USP43: variants seen among roughly 807,000 people sequenced by gnomAD.
The protein encoded by USP43 is ubiquitin carboxyl-terminal hydrolase 43.
A neutral mutation model predicts 90.7 loss-of-function variants in USP43; 33 were observed. That is an observed-to-expected ratio of 0.36 (90% confidence interval 0.28 to 0.49). The LOEUF (loss-of-function observed/expected upper bound fraction) is 0.49, where lower values mean the gene tolerates loss of function less well. Ranked by LOEUF, USP43 falls within the 20% of genes least tolerant of loss-of-function variation. USP43 has a pLI of 0.98. For missense variants in USP43, 1,274 were observed against 1,476.4 expected, an observed-to-expected ratio of 0.86 and a Z score of 2.25; for synonymous variants, 598 against 615.8, an observed-to-expected ratio of 0.97 and a Z score of 0.43.
chr17:9,663,556 C>T (rs1435482565), intron 2 of USP43, among the ~76,000 whole-genome samples: 1 of 152,126 alleles, frequency 6.6e-6, no homozygotes, highest in African/African-American at 2.4e-5. Context: ...CCTCAGCCTC[C>T]CGAAGTGCTG....
chr17:9,654,251 A>G (rs4300688), intron 1 of USP43, among the ~76,000 whole-genome samples: 10,760 of 152,252 alleles, frequency 0.071, 1,148 homozygotes, highest in African/African-American at 0.23. Flanking sequence ...TCTACTAAAA[A>G]CATATTCATT....
intron 3 of USP43, among the ~76,000 whole-genome samples, chr17:9,672,292 G>A (rs1489641958): frequency 6.6e-6 from 1 of 152,158 alleles, no homozygotes; most frequent in Non-Finnish European, 1.5e-5. Context: ...CACTGCGCCT[G>A]GCCATCGTTT....
intron 4 of USP43, among the ~76,000 whole-genome samples, chr17:9,675,322 C>T (rs1913694668): frequency 6.6e-6 from 1 of 152,020 alleles, no homozygotes. Context: ...TTTTTTTCCC[C>T]AGCTTTACTT....
chr17:9,680,341 C>T lies in USP43; in HGVS notation c.1080C>T (p.Pro360=). 2 of 1,613,848 alleles carry T rather than the reference C, an allele frequency of 1.2e-6. No homozygotes were observed. The highest frequency in any genetic ancestry group is 1.7e-6 in the Non-Finnish European group (2 of 1,179,828). Residue 360 remains proline (P), a synonymous_variant, in exon 6 of 15, where the codon CCC becomes CCT. Transcript: ENST00000285199. The part of the protein sequence containing the change: ...GDNVYAFQVP[P]SPSQGTLSAH... ...ATGTGTATGCCTTTCAAGTTCCTCCCTCACCCAGCCAGGGGACTCTCTCAG... is the reference window on the plus strand; with the variant it reads ...ATGTGTATGCCTTTCAAGTTCCTCCTTCACCCAGCCAGGGGACTCTCTCAG...
At chr17:9,658,447 A>AAAGGACAGAGTCAGGATTC (rs1912415783) in intron 2 of USP43, among the ~76,000 whole-genome samples, 1 of 152,226 alleles carries the variant, frequency 6.6e-6, no homozygotes, top group Non-Finnish European at 1.5e-5. Context: ...ACAGCTAAGT[A>AAAGGACAGAGTCAGGATTC]AAGGACAGAG....
Position 9,656,491 on chromosome 17 carries a change from A to T in USP43, c.593A>T (p.His198Leu). The T allele has an allele frequency of 6.2e-7, 1 of 1,610,954 alleles. No individual in the cohort carries two copies. Among genetic ancestry groups the T allele is most frequent in the Non-Finnish European group, 8.5e-7 (1 of 1,178,726 alleles). Residue 198 changes from histidine to leucine, a missense_variant, in exon 2 of 15, where the codon CAT becomes CTT. Around this residue, in one of 6 missense-constraint regions of USP43, gnomAD observed 259 missense variants for 373.7 expected, o/e 0.69. Transcript: ENST00000285199. ...CTGCTCTGGTTGCTGGATCGTGTACATGAGGACCTGGAGGGTTCATCCCGA... is the reference window on the plus strand; with the variant it reads ...CTGCTCTGGTTGCTGGATCGTGTACTTGAGGACCTGGAGGGTTCATCCCGA... Reference protein sequence around the residue: ...EFLLWLLDRVHEDLEGSSRGP... With the variant: ...EFLLWLLDRVLEDLEGSSRGP...
intron 2 of USP43, among the ~76,000 whole-genome samples, chr17:9,665,105 T>C (rs1912942214): frequency 6.6e-6 from 1 of 151,272 alleles, no homozygotes; most frequent in African/African-American, 2.4e-5. Context: ...GGGCAGGGGG[T>C]GAAGAATAAA....
chr17:9,681,153 T>TATATACTATATAATATATACTATATA lies in USP43; in HGVS notation c.1105+819_1105+844dup, dbSNP rs1567660659. On this transcript the variant is annotated intron_variant, in intron 6 of 14. Transcript: ENST00000285199. Reference sequence around the variant, plus strand: ...ATACTATATAATATATACTATATAATATATACTATATAATATATACTATAT... The same window carrying TATATACTATATAATATATACTATATA: ...ATACTATATAATATATACTATATAATATATACTATATAATATATACTATATAATATACTATATAATATATACTATAT... Among the ~76,000 whole-genome samples, 145 of 89,464 alleles carry TATATACTATATAATATATACTATATA rather than the reference T, an allele frequency of 1.6e-3. 8 individuals are homozygous for TATATACTATATAATATATACTATATA. The highest frequency in any genetic ancestry group is 2.0e-3 in the Non-Finnish European group (103 of 50,274). The allele number at this position is 89,464 out of a possible 152,430, so 58.7% of individuals were successfully genotyped here.
chr17:9,688,706 A>T (rs1914750018), intron 8 of USP43, among the ~76,000 whole-genome samples: 1 of 149,962 alleles, frequency 6.7e-6, no homozygotes, highest in Non-Finnish European at 1.5e-5. Context: ...TTTATTTTTG[A>T]GGCAGGGTCT....
At chr17:9,655,751 G>A (rs1436535070) in intron 1 of USP43, among the ~76,000 whole-genome samples, 10 of 152,186 alleles carry the variant, frequency 6.6e-5, no homozygotes, top group Admixed American at 6.5e-4. Flanking sequence ...GGCACTCAAT[G>A]CATATTTATC....
chr17:9,664,763 G>A (rs1022557687), intron 2 of USP43, among the ~76,000 whole-genome samples: 1 of 150,948 alleles, frequency 6.6e-6, no homozygotes, highest in Non-Finnish European at 1.5e-5. Context: ...TCAGCCTCCC[G>A]AGTAGCCGGG....
chr17:9,726,159 C>T (rs1202999147), intron 14 of USP43, among the ~76,000 whole-genome samples: 4 of 152,104 alleles, frequency 2.6e-5, no homozygotes, highest in African/African-American at 9.7e-5. Context: ...CTTCCTGCTC[C>T]AGCCATTTCT....
At chr17:9,659,692 A>G (rs1001386922) in intron 2 of USP43, among the ~76,000 whole-genome samples, 1 of 152,086 alleles carries the variant, frequency 6.6e-6, no homozygotes, top group African/African-American at 2.4e-5. Context: ...TCTTGGTAGC[A>G]GGAAAAGGCA....
intron 14 of USP43, among the ~76,000 whole-genome samples, chr17:9,712,544 G>A (rs1325566212): frequency 5.3e-5 from 8 of 152,160 alleles, no homozygotes; most frequent in Non-Finnish European, 1.5e-5. Context: ...GAGTGAGAGA[G>A]AGTGACTTGT....
rs760973302 is a variant in USP43 at position 9,717,907 on chromosome 17, C to T, written c.2335+5775C>T. Among the ~76,000 whole-genome samples the T allele has an allele frequency of 2.2e-4, 33 of 151,954 alleles. No individual in the cohort carries two copies. The South Asian group carries it at 3.7e-3, about 17-fold the overall frequency. On this transcript the variant is annotated intron_variant, in intron 14 of 14. Coordinates refer to ENST00000285199, the MANE Select transcript of USP43 (RefSeq NM_153210.5). ...CGCCTCCCGGGTTCAAGCGATTCTC[C>T]TGCCTCAGACTCCCGAGTAGCTGGG...
intron 9 of USP43, among the ~76,000 whole-genome samples, chr17:9,694,069 G>C (rs752819447): frequency 1.3e-5 from 2 of 152,168 alleles, no homozygotes; most frequent in Non-Finnish European, 2.9e-5. Flanking sequence ...GCAATCCCCA[G>C]GTCATTGCAA....
intron 14 of USP43, among the ~76,000 whole-genome samples, chr17:9,721,720 A>ATTTTTTTT (rs11340592): frequency 8.4e-6 from 1 of 119,084 alleles, no homozygotes. Context: ...GTATAGCTGT[A>ATTTTTTTT]TTTTTTTTTT....
Position 9,645,584 on chromosome 17 carries a change from C to T in USP43, c.-49C>T. ...GCTGTAGGGCCTGCTGGCCGCTCGT[C>T]CGCCTCGCGCCCGGGGGCTCCGCGC... is the stretch of plus-strand genomic sequence containing the variant. On this transcript the variant is annotated 5_prime_UTR_variant, in exon 1 of 15. Transcript: ENST00000285199. This position sits in a 1 kb window ranked among gnomAD's most constrained non-coding sequence, Gnocchi z 6.8. 8.5e-7 allele frequency: 1 copy of T among 1,175,092 alleles called. No homozygotes were observed. Among genetic ancestry groups the T allele is most frequent in the Non-Finnish European group, 1.1e-6 (1 of 952,156 alleles). 72.8% of individuals were successfully genotyped at this position (1,175,092 alleles called of 1,614,324 possible). A position where few individuals can be genotyped will look rare whatever the true frequency, so the allele number is the denominator to read the frequency against.
intron 8 of USP43, among the ~76,000 whole-genome samples, chr17:9,691,520 T>G (rs1310628992): frequency 6.6e-6 from 1 of 152,176 alleles, no homozygotes; most frequent in African/African-American, 2.4e-5. Flanking sequence ...TTTTGACTTG[T>G]GAATCATGCT....
Sources: allele counts gnomAD v4.1 joint callset (sites outside exome capture counted in the v4.1 genomes callset), GRCh38; gene constraint gnomAD v4.1.1; regional missense constraint gnomAD v4.1.1; non-coding constraint Gnocchi (gnomAD v3.1); transcripts MANE v1.5; gene names NCBI Gene and HGNC (gene_info 2026-07-23, HGNC 2026-07-21).